Variants in CALN1 observed in about 807,000 individuals in gnomAD.
CALN1 encodes the protein calcium-binding protein 8.
Under a neutral mutation model 30.6 loss-of-function variants are expected in CALN1, and 17 were observed. That is an observed-to-expected ratio of 0.56 (90% CI 0.38 to 0.83). The LOEUF (loss-of-function observed/expected upper bound fraction) is 0.83, where lower values mean the gene tolerates loss of function less well. Ranked by LOEUF, CALN1 falls within the 40% of genes least tolerant of loss-of-function variation. CALN1 has a pLI of 0.00. For missense variants in CALN1, 291 were observed against 354.9 expected, an observed-to-expected ratio of 0.82 and a Z score of 1.45; for synonymous variants, 156 against 131.4, an observed-to-expected ratio of 1.19 and a Z score of -1.28.
chr7:71,829,072 C>T (rs1789106121), intron 5 of CALN1, among the ~76,000 whole-genome samples: 1 of 152,096 alleles, frequency 6.6e-6, no homozygotes, highest in Admixed American at 6.5e-5. Flanking sequence ...TCTCACCTCC[C>T]TAAAGTGTAT....
intron 3 of CALN1, among the ~76,000 whole-genome samples, chr7:72,129,387 A>G (rs1278345323): frequency 6.6e-6 from 1 of 152,194 alleles, no homozygotes; most frequent in Non-Finnish European, 1.5e-5. Context: ...ATTCAAGCAT[A>G]CAAACACATA....
intron 2 of CALN1, among the ~76,000 whole-genome samples, chr7:72,369,053 G>T (rs1042718343): frequency 2.6e-5 from 4 of 151,290 alleles, no homozygotes; most frequent in African/African-American, 7.3e-5. Context: ...GACCTCAAGT[G>T]ATCTGCCCAC....
Position 71,860,032 on chromosome 7 carries a change from T to C in CALN1, c.502-49540A>G, listed in dbSNP as rs140453758. On this transcript the variant is annotated intron_variant, in intron 5 of 6. Transcript: ENST00000395275. ...AGAATAATATCAATTCTTGCAAATA[T>C]AGTAATTAAGAAAATTAACCCTTTA... Among the ~76,000 whole-genome samples, 1,176 of 152,264 alleles carry C rather than the reference T, an allele frequency of 7.7e-3. 7 individuals are homozygous for C. The highest frequency in any genetic ancestry group is 0.01 in the African/African-American group (422 of 41,554).
intron 3 of CALN1, among the ~76,000 whole-genome samples, chr7:72,161,666 T>C (rs1026416883): frequency 3.9e-5 from 6 of 152,108 alleles, no homozygotes; most frequent in Non-Finnish European, 7.3e-5. Flanking sequence ...AGCTAGAAAG[T>C]TGGCGATTCT....
intron 5 of CALN1, among the ~76,000 whole-genome samples, chr7:72,021,667 G>C (rs1800716599): frequency 6.6e-6 from 1 of 152,126 alleles, no homozygotes; most frequent in African/African-American, 2.4e-5. Context: ...CCTGATCCTG[G>C]ATGTCCTCTG....
intron 2 of CALN1, among the ~76,000 whole-genome samples, chr7:72,302,294 CAG>C (rs1235803545): frequency 2.6e-5 from 4 of 152,076 alleles, no homozygotes; most frequent in Non-Finnish European, 5.9e-5. Flanking sequence ...CATAAAATTT[CAG>C]AACATCAGAA....
intron 1 of CALN1, among the ~76,000 whole-genome samples, chr7:72,411,651 G>T (rs1390190426): frequency 6.6e-6 from 1 of 152,200 alleles, no homozygotes; most frequent in African/African-American, 2.4e-5. Flanking sequence ...GAAAAGTCTT[G>T]TCAGGCCTAA....
Position 72,296,699 on chromosome 7 carries a change from G to A in CALN1, c.120-17889C>T, listed in dbSNP as rs542800860. 4.5e-4 allele frequency among the ~76,000 whole-genome samples: 66 copies of A among 146,344 alleles called. 2 individuals are homozygous for A. The South Asian group carries it at 8.9e-3, about 20-fold the overall frequency. The stretch of plus-strand genomic sequence containing the variant: ...TGGTAGTTTGTATTTCTGTGGGATC[G>A]GTGGTGATATCCCCTTTATCATTTT... On this transcript the variant is annotated intron_variant, in intron 2 of 6. Coordinates refer to ENST00000395275, the MANE Select transcript of CALN1 (RefSeq NM_031468.4).
chr7:72,230,181 AG>A (rs1251995724), intron 3 of CALN1, among the ~76,000 whole-genome samples: 3 of 151,866 alleles, frequency 2.0e-5, no homozygotes, highest in African/African-American at 7.3e-5. Flanking sequence ...CCTAGATGAC[AG>A]GTTGATAGGT....
intron 5 of CALN1, among the ~76,000 whole-genome samples, chr7:71,871,256 AG>A (rs1396200008): frequency 3.9e-5 from 6 of 152,212 alleles, no homozygotes; most frequent in African/African-American, 1.4e-4. Flanking sequence ...AATGAATAAA[AG>A]AGCTTTAAAA....
chr7:71,842,650 A>C (rs766048170), intron 5 of CALN1, among the ~76,000 whole-genome samples: 2 of 152,210 alleles, frequency 1.3e-5, no homozygotes, highest in Non-Finnish European at 2.9e-5. Context: ...CGATGCCTGC[A>C]AGCTGTGCTT....
intron 3 of CALN1, among the ~76,000 whole-genome samples, chr7:72,174,661 T>C (rs1016998198): frequency 2.6e-5 from 4 of 152,308 alleles, no homozygotes; most frequent in South Asian, 2.1e-4. Context: ...AGTATATATA[T>C]TGTATGATCA....
intron 4 of CALN1, among the ~76,000 whole-genome samples, chr7:72,061,713 T>C (rs1803659558): frequency 7.4e-6 from 1 of 135,634 alleles, no homozygotes; most frequent in Non-Finnish European, 1.6e-5. Context: ...GAAGAAAAAA[T>C]ATTTAAAGAA....
chr7:72,075,695 C>T (rs1250937519), intron 4 of CALN1, among the ~76,000 whole-genome samples: 1 of 152,180 alleles, frequency 6.6e-6, no homozygotes, highest in Admixed American at 6.5e-5. Flanking sequence ...CCTGCACCAG[C>T]GTATTCAGAT....
At chr7:72,048,513 G>A (rs565430438) in intron 4 of CALN1, among the ~76,000 whole-genome samples, 5 of 152,098 alleles carry the variant, frequency 3.3e-5, no homozygotes, top group Middle Eastern at 3.2e-3. Context: ...TGGAAAAGTT[G>A]AAATCTGCAT....
intron 4 of CALN1, among the ~76,000 whole-genome samples, chr7:72,042,422 C>G (rs1196411135): frequency 6.6e-6 from 1 of 152,170 alleles, no homozygotes; most frequent in Non-Finnish European, 1.5e-5. Flanking sequence ...GTGGCATCCA[C>G]AGGACATGCT....
intron 2 of CALN1, among the ~76,000 whole-genome samples, chr7:72,353,012 G>A (rs562216746): frequency 3.5e-4 from 53 of 152,178 alleles, no homozygotes; most frequent in African/African-American, 1.2e-3. Flanking sequence ...ATTCTTTTAA[G>A]AAACACAAAT....
chr7:71,826,160 G>A (rs1788903784), intron 5 of CALN1, among the ~76,000 whole-genome samples: 1 of 151,924 alleles, frequency 6.6e-6, no homozygotes, highest in African/African-American at 2.4e-5. Flanking sequence ...AGAGACAGGA[G>A]GACAGAGAGA....
intron 5 of CALN1, among the ~76,000 whole-genome samples, chr7:71,914,485 T>C (rs539733085): frequency 2.6e-5 from 4 of 152,320 alleles, no homozygotes; most frequent in Admixed American, 1.3e-4. Flanking sequence ...GTCTTGGCTA[T>C]TGTGAATAGT....
Sources: gnomAD v4.1 joint callset for allele counts (sites outside exome capture counted in the v4.1 genomes callset) on GRCh38, gnomAD v4.1.1 for gene constraint, MANE v1.5 for transcripts, NCBI Gene and HGNC (gene_info 2026-07-23, HGNC 2026-07-21) for gene names.